Variants in TUBA3C observed in about 807,000 individuals in gnomAD.
TUBA3C encodes the protein tubulin alpha-3C chain.
In TUBA3C, 23 loss-of-function variants were observed where a neutral mutation model predicts 33.4. That is an observed-to-expected ratio of 0.69 (90% CI 0.50 to 0.98). The LOEUF (loss-of-function observed/expected upper bound fraction) is 0.98, where lower values mean the gene tolerates loss of function less well. Ranked by LOEUF, TUBA3C falls within the 50% of genes least tolerant of loss-of-function variation. TUBA3C has a pLI of 0.00. For missense variants in TUBA3C, 402 were observed against 616.0 expected, an observed-to-expected ratio of 0.65 and a Z score of 3.68; for synonymous variants, 269 against 250.4, an observed-to-expected ratio of 1.07 and a Z score of -0.70.
chr13:19,177,371 G>T lies in TUBA3C; in HGVS notation c.612C>A (p.Val204=), dbSNP rs377103775. 1.2e-6 allele frequency: 2 copies of T among 1,614,114 alleles called. No individual in the cohort carries two copies. Among genetic ancestry groups the T allele is most frequent in the South Asian group, 2.2e-5 (2 of 91,070 alleles). Reference sequence around the variant, plus strand: ...ATATGTCATAGATGGCTTCATTGTCGACCATGAAGGCACAGTCAGAATGTT... The same window carrying T: ...ATATGTCATAGATGGCTTCATTGTCTACCATGAAGGCACAGTCAGAATGTT... ...TLEHSDCAFM[V]DNEAIYDICR... The change falls in exon 4 of 5, where the codon GTC becomes GTA. Residue 204 remains valine (V), a synonymous_variant. Coordinates refer to ENST00000400113, the MANE Select transcript of TUBA3C (RefSeq NM_006001.3). The surrounding 1 kb of genome is among the most constrained non-coding windows in gnomAD (Gnocchi z 5.0).
chr13:19,178,136 A>G, intron 3 of TUBA3C, 110 bp downstream of exon 3: 1 of 1,511,832 alleles, frequency 6.6e-7, no homozygotes, highest in South Asian at 1.3e-5. Flanking sequence ...GTGAGCCACC[A>G]GACCCAGCCA....
chr13:19,177,320 A>G lies in TUBA3C; in HGVS notation c.663T>C (p.Arg221=), dbSNP rs1593261147. The stretch of plus-strand genomic sequence containing the variant: ...GGCGATTGAGGTTGGTGTACGTGGG[A>G]CGCTCGATGTCCAGGTTGCGCCGAC... ...DICRRNLDIE[R]PTYTNLNRLI... Residue 221 remains arginine, a synonymous_variant, in exon 4 of 5, where the codon CGT becomes CGC. Coordinates refer to ENST00000400113, the MANE Select transcript of TUBA3C (RefSeq NM_006001.3). The surrounding 1 kb of genome is among the most constrained non-coding windows in gnomAD (Gnocchi z 5.0). 2 of 1,614,058 alleles carry G rather than the reference A, an allele frequency of 1.2e-6. No homozygotes were observed. The highest frequency in any genetic ancestry group is 1.7e-6 in the Non-Finnish European group (2 of 1,180,016).
chr13:19,178,041 T>A (rs1319403647), intron 3 of TUBA3C, among the ~76,000 whole-genome samples: 1 of 152,112 alleles, frequency 6.6e-6, no homozygotes, highest in Non-Finnish European at 1.5e-5. Flanking sequence ...AAGACAGGGT[T>A]TCACCACGTT....
intron 4 of TUBA3C, among the ~76,000 whole-genome samples, chr13:19,175,818 A>C (rs1342150462): frequency 6.6e-6 from 1 of 151,946 alleles, no homozygotes; most frequent in Non-Finnish European, 1.5e-5. Flanking sequence ...ATATCTTCTC[A>C]CTGCAACCTC....
At position 19,176,958 on chromosome 13, in the gene TUBA3C, T is replaced by G. The variant is rs765194928; in HGVS notation, c.1025A>C (p.Gln342Pro). The G allele has an allele frequency of 1.9e-6, 3 of 1,613,782 alleles. No homozygotes were observed. The highest frequency in any genetic ancestry group is 1.3e-5 in the African/African-American group (1 of 74,834). ...IATIKTKRTI[Q>P]FVDWCPTGFK... ...TCCAGTTGGGCACCAATCTACAAAC[T>G]GGATGGTGCGCTTGGTCTTGATGGT... The change falls in exon 4 of 5, where the codon CAG becomes CCG. Residue 342 changes from glutamine to proline, a missense_variant. By Grantham distance (76) the Gln-to-Pro change is moderately conservative. Transcript: ENST00000400113.
rs556646355 is a variant in TUBA3C at position 19,180,731 on chromosome 13, T to G, written c.3+1014A>C. ...AGGATGGTCTCGATCTCCTGACCTT[T>G]TGATATGCCCGCCTTGGCCTCCCAA... On this transcript the variant is annotated intron_variant, in intron 1 of 4. Coordinates refer to ENST00000400113, the MANE Select transcript of TUBA3C (RefSeq NM_006001.3). Among the ~76,000 whole-genome samples, 32 of 151,984 alleles carry G rather than the reference T, an allele frequency of 2.1e-4. No individual in the cohort carries two copies. In the South Asian group the frequency reaches 2.5e-3, roughly 12 times the overall value.
chr13:19,177,975 T>C lies in TUBA3C; in HGVS notation c.375+271A>G, dbSNP rs1021086548. ...CATTCTCCTGCCTCAGCTTCCTGAG[T>C]AGCTGGGACTACAGGCAGGCACCAC... is the stretch of plus-strand genomic sequence containing the variant. On this transcript the variant is annotated intron_variant, in intron 3 of 4. Transcript: ENST00000400113. The surrounding 1 kb of genome is among the most constrained non-coding windows in gnomAD (Gnocchi z 5.0). Among the ~76,000 whole-genome samples, 1 of 151,580 alleles carries C rather than the reference T, an allele frequency of 6.6e-6. No homozygotes were observed. Among genetic ancestry groups the C allele is most frequent in the African/African-American group, 2.4e-5 (1 of 41,266 alleles).
chr13:19,178,804 C>T (rs191407975), intron 2 of TUBA3C, among the ~76,000 whole-genome samples: 1 of 152,144 alleles, frequency 6.6e-6, no homozygotes, highest in Non-Finnish European at 1.5e-5. Context: ...GCAGGGCAGT[C>T]CCATCAGGGC....
At chr13:19,178,123 G>T (rs1869266601) in intron 3 of TUBA3C, 123 bp downstream of exon 3, 2 of 1,464,000 alleles carry the variant, frequency 1.4e-6, no homozygotes, top group Admixed American at 4.0e-5. Context: ...TGGGATTACA[G>T]GCGTGAGCCA....
Position 19,176,967 on chromosome 13 carries a change from C to T in TUBA3C, c.1016G>A (p.Arg339His), listed in dbSNP as rs757902171. ...NAAIATIKTK[R>H]TIQFVDWCPT... ...GCACCAATCTACAAACTGGATGGTG[C>T]GCTTGGTCTTGATGGTGGCGATGGC... Residue 339 changes from arginine (R) to histidine (H), a missense_variant, in exon 4 of 5, where the codon CGC (arginine) becomes CAC (histidine). Physicochemically the swap from Arg to His is conservative, Grantham distance 29. Coordinates refer to ENST00000400113, the MANE Select transcript of TUBA3C (RefSeq NM_006001.3). The T allele has an allele frequency of 5.9e-5, 96 of 1,613,770 alleles. 1 individual carries two copies. The Middle Eastern group carries it at 6.6e-4, about 11-fold the overall frequency.
At chr13:19,176,798 G>T (rs1869200543) in intron 4 of TUBA3C, 129 bp downstream of exon 4, 12 of 522,480 alleles carry the variant, frequency 2.3e-5, no homozygotes, top group East Asian at 1.3e-4. Context: ...TTCACTAATT[G>T]ATGCCCACAT....
chr13:19,176,822 A>C (rs1869201626), intron 4 of TUBA3C, 105 bp downstream of exon 4: 1 of 1,334,520 alleles, frequency 7.5e-7, no homozygotes, highest in South Asian at 1.3e-5. Flanking sequence ...TAGCCCATGG[A>C]ATAGGGGTAG....
chr13:19,174,194 T>G (rs1353720138), intron 4 of TUBA3C, 35 bp from the exon 5 acceptor site: 1 of 1,574,512 alleles, frequency 6.4e-7, no homozygotes, highest in Non-Finnish European at 8.6e-7. Flanking sequence ...TCCATGAAGC[T>G]TATATCAAAC....
chr13:19,180,316 C>A (rs549548481), intron 1 of TUBA3C, among the ~76,000 whole-genome samples: 1 of 152,216 alleles, frequency 6.6e-6, no homozygotes, highest in South Asian at 2.1e-4. Context: ...CTCCCCTCTA[C>A]CCCTTGAAGC....
chr13:19,176,607 A>G (rs2138954813), intron 4 of TUBA3C, among the ~76,000 whole-genome samples: 2 of 151,634 alleles, frequency 1.3e-5, no homozygotes, highest in South Asian at 4.2e-4. Context: ...TATAAAAATT[A>G]ACTGGGTGTG....
rs558780935 is a variant in TUBA3C at position 19,181,821 on chromosome 13, C to G, written c.-74G>C. The G allele has an allele frequency of 1.4e-4, 219 of 1,582,120 alleles. No individual in the cohort carries two copies. The South Asian group carries it at 2.2e-3, about 16-fold the overall frequency. On this transcript the variant is annotated 5_prime_UTR_variant, in exon 1 of 5. Coordinates refer to ENST00000400113, the MANE Select transcript of TUBA3C (RefSeq NM_006001.3). Reference sequence around the variant, plus strand: ...CGCCGCTGCAGCTGCGCACGCCCAACGACAGCCTCCCGCCGTGCGCTGTCT... The same window carrying G: ...CGCCGCTGCAGCTGCGCACGCCCAAGGACAGCCTCCCGCCGTGCGCTGTCT...
In TUBA3C at chr13:19,177,233, C is replaced by T. The variant is rs548736660; in HGVS notation, c.750G>A (p.Val250=). ...GGTTGGTCTGGAATTCCGTCAAGTC[C>T]ACATTCAGGGCCCCGTCAAATCGCA... The part of the protein sequence containing the change: ...ASLRFDGALN[V]DLTEFQTNLV... Residue 250 remains valine, a synonymous_variant, in exon 4 of 5, where the codon GTG becomes GTA. Transcript: ENST00000400113. The surrounding 1 kb of genome is among the most constrained non-coding windows in gnomAD (Gnocchi z 5.0). 33 of 1,614,098 alleles carry T rather than the reference C, an allele frequency of 2.0e-5. No homozygotes were observed. The East Asian group carries it at 7.1e-4, about 35-fold the overall frequency.
rs1869277210 is a variant in TUBA3C at position 19,178,382 on chromosome 13, G to A, written c.239C>T (p.Thr80Ile). ...GTGGAAGAGCTGCCTATAGGTTCCT[G>A]TGCGCACTTCATCTACAAAAGAGAC... is the stretch of plus-strand genomic sequence containing the variant. ...LEPTVVDEVR[T>I]GTYRQLFHPE... is the part of the protein sequence containing the mutation. Residue 80 changes from threonine (T) to isoleucine (I), a missense_variant, in exon 3 of 5, where the codon ACA becomes ATA. Physicochemically the swap from Thr to Ile is moderately conservative, Grantham distance 89. Coordinates refer to ENST00000400113, the MANE Select transcript of TUBA3C (RefSeq NM_006001.3). 6.2e-7 allele frequency: 1 copy of A among 1,613,948 alleles called. No homozygotes were observed. Among genetic ancestry groups the A allele is most frequent in the Non-Finnish European group, 8.5e-7 (1 of 1,179,916 alleles).
rs374935144 is a variant in TUBA3C, at chr13:19,177,366, T to C, written c.617A>G (p.Asn206Ser). The C allele has an allele frequency of 4.3e-6, 7 of 1,614,038 alleles. No individual in the cohort carries two copies. Among genetic ancestry groups the C allele is most frequent in the African/African-American group, 1.3e-5 (1 of 74,920 alleles). The change falls in exon 4 of 5, where the codon AAT (asparagine) becomes AGT (serine). Residue 206 changes from asparagine to serine, a missense_variant. Coordinates refer to ENST00000400113, the MANE Select transcript of TUBA3C (RefSeq NM_006001.3). The surrounding 1 kb of genome is among the most constrained non-coding windows in gnomAD (Gnocchi z 5.0). Reference sequence around the variant, plus strand: ...CCGACATATGTCATAGATGGCTTCATTGTCGACCATGAAGGCACAGTCAGA... The same window carrying C: ...CCGACATATGTCATAGATGGCTTCACTGTCGACCATGAAGGCACAGTCAGA... ...EHSDCAFMVD[N>S]EAIYDICRRN... is the part of the protein sequence containing the mutation.
Sources: allele counts gnomAD v4.1 joint callset (sites outside exome capture counted in the v4.1 genomes callset), GRCh38; gene constraint gnomAD v4.1.1; non-coding constraint Gnocchi (gnomAD v3.1); transcripts MANE v1.5; gene names NCBI Gene and HGNC (gene_info 2026-07-23, HGNC 2026-07-21).